Variants in PEX6 observed in about 807,000 individuals in gnomAD.
The protein encoded by PEX6 is peroxisome biogenesis factor 6.
PEX6 carries 55 observed loss-of-function variants against 85.6 expected under a neutral mutation model. The ratio of observed to expected loss-of-function variants is 0.64; its 90% CI spans 0.52 to 0.80. PEX6 has a LOEUF of 0.80. PEX6 is among the 30% of genes least tolerant of loss of function. The pLI is 0.00. For synonymous variants in PEX6, 519 were observed against 549.1 expected, an observed-to-expected ratio of 0.95 and a Z score of 0.77; for missense variants, 1,099 against 1,260.3, an observed-to-expected ratio of 0.87 and a Z score of 1.94.
Position 42,975,054 on chromosome 6 carries a change from C to T in PEX6, c.883-16G>A, listed in dbSNP as rs1233780281. The stretch of plus-strand genomic sequence containing the variant: ...CCAAGTACCTCTATTAGAGAAATAA[C>T]CACCACGTTATAACCTTCTCCTAAG... On this transcript the variant is annotated splice_polypyrimidine_tract_variant and intron_variant, in intron 1 of 16. Coordinates refer to ENST00000304611, the MANE Select transcript of PEX6 (RefSeq NM_000287.4). The T allele has an allele frequency of 2.6e-5, 42 of 1,606,962 alleles. No individual in the cohort carries two copies. The highest frequency in any genetic ancestry group is 3.1e-5 in the Non-Finnish European group (37 of 1,176,028).
chr6:42,967,486 T>A lies in PEX6; in HGVS notation c.1766A>T (p.His589Leu). The A allele has an allele frequency of 6.2e-7, 1 of 1,610,760 alleles. No individual in the cohort carries two copies. The stretch of plus-strand genomic sequence containing the variant: ...TGACAGAGCAGGCACCTCGAGCTCA[T>A]GAGGAAATGCTGTCTGCACATCAGC... ...LPADVQTAFP[H>L]ELEVPALSEG... The change falls in exon 8 of 17, where the codon CAT becomes CTT. Residue 589 changes from histidine (H) to leucine (L), a missense_variant. Physicochemically the swap from His to Leu is moderately conservative, Grantham distance 99 (BLOSUM62 -3). Coordinates refer to ENST00000304611, the MANE Select transcript of PEX6 (RefSeq NM_000287.4).
Position 42,964,250 on chromosome 6 carries a change from AG to A in PEX6, c.*84del. 6.5e-7 allele frequency: 1 copy of A among 1,544,138 alleles called. No homozygotes were observed. The highest frequency in any genetic ancestry group is 1.1e-5 in the South Asian group (1 of 88,602). On this transcript the variant is annotated 3_prime_UTR_variant, in exon 17 of 17. Coordinates refer to ENST00000304611, the MANE Select transcript of PEX6 (RefSeq NM_000287.4). This position sits in a 1 kb window ranked among gnomAD's most constrained non-coding sequence, Gnocchi z 4.6. ...CAGGTGGGTTGGCAGCAGCCTGAGG[AG>A]GAGCCCTTCCTTCCCAGATCTCTCT...
chr6:42,975,521 CTTTCACATGTA>C (rs1204820059), intron 1 of PEX6, among the ~76,000 whole-genome samples: 1 of 152,146 alleles, frequency 6.6e-6, no homozygotes, highest in Non-Finnish European at 1.5e-5. Context: ...CATCCACTCC[CTTTCACATGTA>C]TTTCACATGT....
intron 8 of PEX6, 50 bp from the exon 9 acceptor site, chr6:42,966,908 C>T (rs1387507331): frequency 1.4e-6 from 2 of 1,399,032 alleles, no homozygotes; most frequent in Non-Finnish European, 1.0e-6. Flanking sequence ...TAGGCAGGAA[C>T]CTTCAGGGAC....
intron 7 of PEX6, 86 bp from the exon 8 acceptor site, chr6:42,967,649 G>A (rs1376140538): frequency 3.2e-6 from 4 of 1,265,558 alleles, no homozygotes; most frequent in East Asian, 2.5e-5. Context: ...GCACAGAAGG[G>A]CAGGGAAGTG....
At chr6:42,975,136 T>A in intron 1 of PEX6, 98 bp from the exon 2 acceptor site, 1 of 1,055,794 alleles carries the variant, frequency 9.5e-7, no homozygotes, top group African/African-American at 1.5e-5. Flanking sequence ...ATCCTGTCTT[T>A]CCCATAACCA....
intron 7 of PEX6, 73 bp downstream of exon 7, chr6:42,968,217 T>G: frequency 7.7e-7 from 1 of 1,306,236 alleles, no homozygotes; most frequent in South Asian, 1.2e-5. Context: ...CCCAATGTGC[T>G]GGGATTATAA....
chr6:42,967,180 G>C (rs1769857357), intron 8 of PEX6, among the ~76,000 whole-genome samples, 188 bp downstream of exon 8: 1 of 152,016 alleles, frequency 6.6e-6, no homozygotes, highest in Admixed American at 6.6e-5. Context: ...TGTTGGCCAG[G>C]CTGGTCTCAA....
intron 8 of PEX6, 109 bp from the exon 9 acceptor site, chr6:42,966,967 GTTTTTTTTTTTTTT>G: frequency 2.1e-6 from 1 of 474,760 alleles, no homozygotes; most frequent in Non-Finnish European, 3.6e-6. Flanking sequence ...TAGGTTTGTT[GTTTTTTTTTTTTTT>G]TTTTTTTTGA....
chr6:42,966,694 A>T (rs1409735868), intron 9 of PEX6, 37 bp from the exon 10 acceptor site: 1 of 1,614,058 alleles, frequency 6.2e-7, no homozygotes. Context: ...CCTCACCATC[A>T]GCGTCCCATT....
In PEX6 at chr6:42,978,575, C is replaced by A; in HGVS notation, c.576G>T (p.Arg192=). ...VSSFAVSGTV[R]RLQGVLGGTG... ...TCCCTCCCAGAACTCCCTGGAGTCG[C>A]CGCACTGTGCCAGAAACCGCAAAGG... is the stretch of plus-strand genomic sequence containing the variant. Residue 192 remains arginine, a synonymous_variant, in exon 1 of 17, where the codon CGG becomes CGT. Transcript: ENST00000304611. 3 of 1,612,208 alleles carry A rather than the reference C, an allele frequency of 1.9e-6. No homozygotes were observed. The highest frequency in any genetic ancestry group is 2.2e-5 in the South Asian group (2 of 91,078).
chr6:42,969,524 C>T (rs1769981943), intron 5 of PEX6, 144 bp downstream of exon 5: 1 of 965,174 alleles, frequency 1.0e-6, no homozygotes, highest in Non-Finnish European at 1.7e-6. Context: ...GGCCTGGTGG[C>T]CTTGTGTAGG....
Position 42,974,952 on chromosome 6 carries a change from G to A in PEX6, c.969C>T (p.Ile323=), listed in dbSNP as rs143001881. Residue 323 remains isoleucine, a synonymous_variant, in exon 2 of 17, where the codon ATC becomes ATT. Transcript: ENST00000304611. ...PGPPFARELH[I]EIVSSPHYST... is the part of the protein sequence containing the mutation. ...TGTAGTGGGGAGAAGACACAATTTC[G>A]ATGTGTAACTCTCTGGCAAATGGAG... is the stretch of plus-strand genomic sequence containing the variant. 2.9e-4 allele frequency: 462 copies of A among 1,613,508 alleles called. 3 individuals carry two copies. The South Asian group carries it at 4.7e-3, about 16-fold the overall frequency.
At chr6:42,973,027 T>A (rs973567530) in intron 3 of PEX6, among the ~76,000 whole-genome samples, 12 of 152,140 alleles carry the variant, frequency 7.9e-5, no homozygotes, top group African/African-American at 2.9e-4. Context: ...TTATTTATTT[T>A]TTGAGATGGA....
chr6:42,975,126 A>C, intron 1 of PEX6, 88 bp from the exon 2 acceptor site: 1 of 1,137,372 alleles, frequency 8.8e-7, no homozygotes. Flanking sequence ...GTCTATTTCC[A>C]TCCTGTCTTT....
intron 8 of PEX6, among the ~76,000 whole-genome samples, chr6:42,967,126 C>T (rs1209827966): frequency 6.6e-6 from 1 of 152,070 alleles, no homozygotes; most frequent in African/African-American, 2.4e-5. Context: ...TGTGCCACCA[C>T]ACCTGGCTAA....
Position 42,969,780 on chromosome 6 carries a change from C to G in PEX6, c.1255G>C (p.Val419Leu), listed in dbSNP as rs773054165. The change falls in exon 5 of 17, where the codon GTT becomes CTT. Residue 419 changes from valine (V) to leucine (L), a missense_variant. By Grantham distance (32) the Val-to-Leu change is conservative. Coordinates refer to ENST00000304611, the MANE Select transcript of PEX6 (RefSeq NM_000287.4). Reference protein sequence around the residue: ...LYMVGSTLSPVPWLPSEESTL... With the variant: ...LYMVGSTLSPLPWLPSEESTL... The stretch of plus-strand genomic sequence containing the variant: ...GATTCCTCTGAAGGGAGCCATGGAA[C>G]AGGGCTCAGGGTAGAACCCACCTGT... 2.7e-5 allele frequency: 43 copies of G among 1,613,840 alleles called. 2 individuals carry two copies. The South Asian group carries it at 4.5e-4, about 17-fold the overall frequency.
chr6:42,964,984 C>A lies in PEX6; in HGVS notation c.2667-55G>T. The A allele has an allele frequency of 6.2e-7, 1 of 1,613,524 alleles. No individual in the cohort carries two copies. The highest frequency in any genetic ancestry group is 8.5e-7 in the Non-Finnish European group (1 of 1,179,460). ...TGGCATCACCTCCTCCCTCGAAAGC[C>A]AGTGCTGACCAGCTCATCCTGCATG... On this transcript the variant is annotated intron_variant, in intron 15 of 16. Coordinates refer to ENST00000304611, the MANE Select transcript of PEX6 (RefSeq NM_000287.4). This position sits in a 1 kb window ranked among gnomAD's most constrained non-coding sequence, Gnocchi z 4.6.
Position 42,974,834 on chromosome 6 carries a change from A to G in PEX6, c.1046+41T>C, listed in dbSNP as rs1030740401. On this transcript the variant is annotated intron_variant, in intron 2 of 16. Coordinates refer to ENST00000304611, the MANE Select transcript of PEX6 (RefSeq NM_000287.4). ...GGCATGGGATAGGAGGAATGTAATGAGGGTGAGAAGCTATCCTCCTTAAAA... is the reference window on the plus strand; with the variant it reads ...GGCATGGGATAGGAGGAATGTAATGGGGGTGAGAAGCTATCCTCCTTAAAA... 5.1e-6 allele frequency: 8 copies of G among 1,566,532 alleles called. No homozygotes were observed. In the East Asian group the frequency reaches 1.1e-4, roughly 22 times the overall value.
Sources: allele counts gnomAD v4.1 joint callset (sites outside exome capture counted in the v4.1 genomes callset), GRCh38; gene constraint gnomAD v4.1.1; non-coding constraint Gnocchi (gnomAD v3.1); transcripts MANE v1.5; gene names NCBI Gene and HGNC (gene_info 2026-07-23, HGNC 2026-07-21).